KLF12: variants seen among roughly 807,000 people sequenced by gnomAD.
KLF12 encodes the protein KLF transcription factor 12, also known as Krueppel-like factor 12.
Under a neutral mutation model 37.8 loss-of-function variants are expected in KLF12, and 9 were observed. The observed-to-expected ratio is 0.24, with a 90% CI of 0.14 to 0.42. KLF12 has a LOEUF of 0.42. KLF12 is among the 10% of genes least tolerant of loss of function. The pLI is 1.00. For missense variants in KLF12, 411 were observed against 516.0 expected, an observed-to-expected ratio of 0.80 and a Z score of 1.97; for synonymous variants, 208 against 202.1, an observed-to-expected ratio of 1.03 and a Z score of -0.25.
intron 5 of KLF12, among the ~76,000 whole-genome samples, chr13:73,795,210 A>C (rs143323601): frequency 5.7e-4 from 87 of 152,318 alleles, no homozygotes; most frequent in African/African-American, 1.9e-3. Flanking sequence ...CTGACTGCTG[A>C]TTTTTGGCAT....
intron 3 of KLF12, among the ~76,000 whole-genome samples, chr13:73,900,406 G>A (rs1445515202): frequency 2.0e-5 from 3 of 152,102 alleles, no homozygotes; most frequent in African/African-American, 4.8e-5. Context: ...ATAACTAGCA[G>A]TCACAAAACA....
At chr13:73,743,606 T>G (rs1040548555) in intron 6 of KLF12, among the ~76,000 whole-genome samples, 1 of 152,196 alleles carries the variant, frequency 6.6e-6, no homozygotes, top group Non-Finnish European at 1.5e-5. Context: ...ACAAGGAAAC[T>G]TCTTTCAAAA....
chr13:74,257,134 TG>T, the KLF12 span: 1 of 152,402 alleles, frequency 6.6e-6, no homozygotes, highest in Non-Finnish European at 1.5e-5. Flanking sequence ...GTACATGGGC[TG>T]GGGAAGGAGA....
chr13:74,155,739 C>T, the KLF12 span, among the ~76,000 whole-genome samples: 46 of 152,302 alleles, frequency 3.0e-4, no homozygotes, highest in African/African-American at 8.9e-4. Context: ...AGCTTATACA[C>T]GGCCAATTCC....
chr13:73,929,778 C>G (rs981926578), intron 3 of KLF12, among the ~76,000 whole-genome samples: 4 of 152,212 alleles, frequency 2.6e-5, no homozygotes, highest in Non-Finnish European at 2.9e-5. Context: ...CTTGCCCAAA[C>G]AGCTGTTCTG....
intron 1 of KLF12, among the ~76,000 whole-genome samples, chr13:74,055,146 TG>T: frequency 6.6e-6 from 1 of 152,328 alleles, no homozygotes; most frequent in African/African-American, 2.4e-5. Context: ...AGAAAAATCA[TG>T]TTAAGAAAAA....
intron 3 of KLF12, among the ~76,000 whole-genome samples, chr13:73,907,650 G>A (rs950943215): frequency 6.6e-6 from 1 of 152,180 alleles, no homozygotes; most frequent in African/African-American, 2.4e-5. Flanking sequence ...GTAACTTGAA[G>A]AAGGTCATCC....
At chr13:74,261,804 A>T in the KLF12 span, among the ~76,000 whole-genome samples, 2 of 152,236 alleles carry the variant, frequency 1.3e-5, no homozygotes, top group East Asian at 3.9e-4. Context: ...CTGAAAAAAT[A>T]TGCACATGCA....
chr13:73,764,548 C>A (rs559063006), intron 6 of KLF12, among the ~76,000 whole-genome samples: 1 of 151,972 alleles, frequency 6.6e-6, no homozygotes, highest in East Asian at 1.9e-4. Flanking sequence ...TCGTTGTAAT[C>A]CCCAAAACTA....
At chr13:74,212,492 A>G in the KLF12 span, among the ~76,000 whole-genome samples, 1 of 152,206 alleles carries the variant, frequency 6.6e-6, no homozygotes, top group African/African-American at 2.4e-5. Context: ...AGTTTCATTA[A>G]GAAGAGTTCT....
intron 1 of KLF12, among the ~76,000 whole-genome samples, chr13:74,044,497 G>A (rs748461541): frequency 3.3e-5 from 5 of 151,996 alleles, no homozygotes; most frequent in African/African-American, 4.8e-5. Flanking sequence ...AAAAAAAAAT[G>A]TTTGACATAC....
intron 6 of KLF12, among the ~76,000 whole-genome samples, chr13:73,740,760 C>T (rs1401714109): frequency 6.6e-6 from 1 of 152,176 alleles, no homozygotes; most frequent in Non-Finnish European, 1.5e-5. Context: ...TCTTCCGACA[C>T]CCTCTAGGAG....
chr13:74,199,625 T>C, the KLF12 span, among the ~76,000 whole-genome samples: 1 of 152,196 alleles, frequency 6.6e-6, no homozygotes, highest in Non-Finnish European at 1.5e-5. Flanking sequence ...ACTTGCAGGA[T>C]GGCAGAATCA....
chr13:73,828,619 C>T (rs1258482858), intron 4 of KLF12, among the ~76,000 whole-genome samples: 1 of 152,084 alleles, frequency 6.6e-6, no homozygotes, highest in Non-Finnish European at 1.5e-5. Flanking sequence ...AAATAGTCTC[C>T]CTCCCTGTAT....
At position 73,813,132 on chromosome 13, in the gene KLF12, C is replaced by T. The variant is rs763431258; in HGVS notation, c.806+20G>A. On this transcript the variant is annotated intron_variant, in intron 5 of 7. Coordinates refer to ENST00000377669, the MANE Select transcript of KLF12 (RefSeq NM_007249.5). The stretch of plus-strand genomic sequence containing the variant: ...AACACCTTGGCAATTCTTAATTCAT[C>T]CTGTGAATGTGATACTTACTCTTGT... 6.2e-7 allele frequency: 1 copy of T among 1,611,124 alleles called. No homozygotes were observed. The highest frequency in any genetic ancestry group is 8.5e-7 in the Non-Finnish European group (1 of 1,177,846).
At chr13:74,146,092 G>A in the KLF12 span, among the ~76,000 whole-genome samples, 11 of 152,122 alleles carry the variant, frequency 7.2e-5, no homozygotes, top group Admixed American at 2.0e-4. Flanking sequence ...CTTAATGTGA[G>A]CATACAGAAA....
intron 1 of KLF12, among the ~76,000 whole-genome samples, chr13:74,078,754 G>A (rs1042688680): frequency 4.6e-5 from 7 of 152,142 alleles, no homozygotes; most frequent in African/African-American, 1.7e-4. Flanking sequence ...TAACTTCTCT[G>A]TTCCTGAGTT....
At chr13:73,880,953 C>T (rs1886951819) in intron 3 of KLF12, among the ~76,000 whole-genome samples, 1 of 152,140 alleles carries the variant, frequency 6.6e-6, no homozygotes, top group African/African-American at 2.4e-5. Flanking sequence ...AAACATACAC[C>T]TACTTTTAAG....
intron 5 of KLF12, among the ~76,000 whole-genome samples, chr13:73,804,351 T>C (rs1404021912): frequency 6.6e-6 from 1 of 152,180 alleles, no homozygotes; most frequent in Admixed American, 6.5e-5. Context: ...AATTAATCAC[T>C]CTTTGAAAGA....
Sources: gnomAD v4.1 joint callset for allele counts (sites outside exome capture counted in the v4.1 genomes callset) on GRCh38, gnomAD v4.1.1 for gene constraint, MANE v1.5 for transcripts, NCBI Gene and HGNC (gene_info 2026-07-23, HGNC 2026-07-21) for gene names.